NFIA: variants seen among roughly 807,000 people sequenced by gnomAD.
NFIA encodes the protein nuclear factor I A, also known as nuclear factor 1 A-type.
NFIA carries 8 observed loss-of-function variants against 62.8 expected under a neutral mutation model. The ratio of observed to expected loss-of-function variants is 0.13; its 90% CI spans 0.07 to 0.23. NFIA has a LOEUF of 0.23. Among genes scored for constraint, NFIA ranks in the 10% least tolerant of loss-of-function variants. The probability of loss-of-function intolerance (pLI) is 1.00; values close to 1 mark genes in which losing one functional copy is unlikely to be tolerated. For synonymous variants in NFIA, 235 were observed against 238.1 expected (o/e 0.99, Z 0.12); for missense variants, 410 against 642.1 (o/e 0.64, Z 3.91).
intron 3 of NFIA, among the ~76,000 whole-genome samples, chr1:61,303,927 G>A (rs1659621181): frequency 1.3e-5 from 2 of 152,100 alleles, no homozygotes; most frequent in Non-Finnish European, 2.9e-5. Flanking sequence ...AGGAGACAAG[G>A]GCAGAAGAAG....
At chr1:61,287,791 A>G (rs1454432638) in intron 3 of NFIA, among the ~76,000 whole-genome samples, 3 of 152,208 alleles carry the variant, frequency 2.0e-5, no homozygotes, top group Non-Finnish European at 4.4e-5. Flanking sequence ...TTTGTATTTT[A>G]TCTGGCAACC....
intron 10 of NFIA, among the ~76,000 whole-genome samples, chr1:61,441,428 GCAGA>G (rs746552197): frequency 2.0e-5 from 3 of 151,846 alleles, no homozygotes; most frequent in Non-Finnish European, 4.4e-5. Flanking sequence ...TCTTCACAGT[GCAGA>G]CAAAGGTCAA....
chr1:61,178,346 A>T (rs1283678601), intron 2 of NFIA, among the ~76,000 whole-genome samples: 1 of 152,222 alleles, frequency 6.6e-6, no homozygotes, highest in Non-Finnish European at 1.5e-5. Context: ...CATTTGTCCA[A>T]ATCATATTGA....
At chr1:61,404,558 G>A (rs1665728595) in intron 8 of NFIA, among the ~76,000 whole-genome samples, 1 of 152,182 alleles carries the variant, frequency 6.6e-6, no homozygotes, top group South Asian at 2.1e-4. Context: ...AGTTCTGTGG[G>A]CTGATCATTC....
chr1:61,176,342 T>A (rs187022808), intron 2 of NFIA, among the ~76,000 whole-genome samples: 46 of 152,310 alleles, frequency 3.0e-4, no homozygotes, highest in Admixed American at 6.5e-4. Context: ...GTAAACGTAG[T>A]ATGCAGGAGG....
chr1:61,295,139 A>G (rs1659120936), intron 3 of NFIA, among the ~76,000 whole-genome samples: 1 of 152,158 alleles, frequency 6.6e-6, no homozygotes, highest in Admixed American at 6.5e-5. Context: ...CACCATCCTC[A>G]TATGCGCATA....
chr1:61,396,525 G>A (rs1315341771), intron 7 of NFIA, among the ~76,000 whole-genome samples: 1 of 152,164 alleles, frequency 6.6e-6, no homozygotes, highest in Non-Finnish European at 1.5e-5. Context: ...GGGGTTACAG[G>A]TGTGAGCCAT....
intron 2 of NFIA, among the ~76,000 whole-genome samples, chr1:61,164,221 A>G (rs980379997): frequency 1.3e-5 from 2 of 149,628 alleles, no homozygotes; most frequent in Non-Finnish European, 3.0e-5. Context: ...TGTTGACTTG[A>G]AAAAAAAAAG....
chr1:61,349,775 T>C (rs529024970), intron 4 of NFIA, among the ~76,000 whole-genome samples: 78 of 152,242 alleles, frequency 5.1e-4, no homozygotes, highest in African/African-American at 1.8e-3. Context: ...TTTTTTTCTG[T>C]GGAGACATAG....
chr1:61,097,053 T>C (rs775168033), intron 2 of NFIA, among the ~76,000 whole-genome samples: 10 of 152,212 alleles, frequency 6.6e-5, no homozygotes, highest in Non-Finnish European at 1.0e-4. Flanking sequence ...TAGCTTTCTT[T>C]TTAAGAAATA....
intron 2 of NFIA, among the ~76,000 whole-genome samples, chr1:61,111,743 C>G (rs941348008): frequency 6.6e-6 from 1 of 152,100 alleles, no homozygotes; most frequent in Non-Finnish European, 1.5e-5. Context: ...GCATCTGAAT[C>G]TCTATTCAGC....
At position 61,141,973 on chromosome 1, in the gene NFIA, C is replaced by T. The variant is rs117830179; in HGVS notation, c.559+53293C>T. On this transcript the variant is annotated intron_variant, in intron 2 of 10. Coordinates refer to ENST00000403491, the MANE Select transcript of NFIA (RefSeq NM_001134673.4). ...TACTTACAGGAACAGAATGGCGGAT[C>T]TGTTACTATGTTCTCCTAAAATGCA... 4.7e-4 allele frequency among the ~76,000 whole-genome samples: 72 copies of T among 152,178 alleles called. No individual in the cohort carries two copies. The East Asian group carries it at 0.013, about 27-fold the overall frequency.
intron 6 of NFIA, among the ~76,000 whole-genome samples, chr1:61,377,531 A>G (rs1664210398): frequency 6.6e-6 from 1 of 152,192 alleles, no homozygotes; most frequent in Non-Finnish European, 1.5e-5. Context: ...CAAGTCATGA[A>G]CAATTAAACT....
intron 2 of NFIA, among the ~76,000 whole-genome samples, chr1:61,101,395 CAAA>C (rs1226359890): frequency 5.9e-5 from 4 of 67,446 alleles, no homozygotes; most frequent in Non-Finnish European, 3.0e-5. Context: ...AACTCCATCT[CAAA>C]AAAAAAAAAA....
At chr1:61,127,122 T>C (rs1434154422) in intron 2 of NFIA, among the ~76,000 whole-genome samples, 1 of 146,286 alleles carries the variant, frequency 6.8e-6, no homozygotes, top group East Asian at 2.1e-4. Flanking sequence ...CTCGTGCCAC[T>C]GCACTCCAGC....
intron 2 of NFIA, among the ~76,000 whole-genome samples, chr1:61,128,089 A>G (rs950126085): frequency 6.6e-6 from 1 of 152,140 alleles, no homozygotes; most frequent in African/African-American, 2.4e-5. Flanking sequence ...TGTACTGAGC[A>G]CCTAATACAT....
chr1:61,420,288 A>C (rs1229330711), intron 9 of NFIA, among the ~76,000 whole-genome samples: 1 of 152,218 alleles, frequency 6.6e-6, no homozygotes, highest in East Asian at 1.9e-4. Flanking sequence ...AAGTGAGTTC[A>C]GTTGTAATGG....
At chr1:61,149,974 G>A (rs2100519251) in intron 2 of NFIA, among the ~76,000 whole-genome samples, 1 of 152,006 alleles carries the variant, frequency 6.6e-6, no homozygotes, top group Admixed American at 6.6e-5. Context: ...AGGTTCCATC[G>A]TGTGTCTTCA....
At chr1:61,247,391 C>T (rs148665692) in intron 2 of NFIA, among the ~76,000 whole-genome samples, 204 of 152,306 alleles carry the variant, frequency 1.3e-3, no homozygotes, top group Non-Finnish European at 1.8e-3. Flanking sequence ...TCCGGTTCTT[C>T]GTATAGGGAG....
Sources: allele counts gnomAD v4.1 joint callset (sites outside exome capture counted in the v4.1 genomes callset), GRCh38; gene constraint gnomAD v4.1.1; transcripts MANE v1.5; gene names NCBI Gene and HGNC (gene_info 2026-07-23, HGNC 2026-07-21).